Variants in MVK observed in about 807,000 individuals in gnomAD.
The protein encoded by MVK is LH receptor mRNA-binding protein.
A neutral mutation model predicts 43.2 loss-of-function variants in MVK; 34 were observed. The observed-to-expected ratio is 0.79, with a 90% CI of 0.60 to 1.05. MVK has a LOEUF of 1.05. Among genes scored for constraint, MVK ranks in the 50% least tolerant of loss-of-function variants. The pLI, the probability that MVK is intolerant of heterozygous loss-of-function variation, is 0.00. For missense variants in MVK, 395 were observed against 504.0 expected (o/e 0.78, Z 2.07); for synonymous variants, 190 against 219.8 (o/e 0.86, Z 1.20).
upstream of MVK, chr12:109,573,517 T>G: frequency 1.9e-6 from 3 of 1,576,514 alleles, no homozygotes; most frequent in Non-Finnish European, 2.6e-6. Context: ...CCCCGCCAGG[T>G]TCCCGTCCAG....
chr12:109,587,597 T>C (rs1317409364), intron 7 of MVK, among the ~76,000 whole-genome samples: 1 of 152,142 alleles, frequency 6.6e-6, no homozygotes, highest in Non-Finnish European at 1.5e-5. Flanking sequence ...TCCATGGGCC[T>C]TTTCGCATCA....
At chr12:109,582,352 T>G (rs1885254914) in intron 5 of MVK, among the ~76,000 whole-genome samples, 1 of 151,656 alleles carries the variant, frequency 6.6e-6, no homozygotes, top group African/African-American at 2.4e-5. Flanking sequence ...TTGTTTGTTT[T>G]TTGAGATGGA....
At chr12:109,580,750 T>C (rs1885180995) in intron 4 of MVK, among the ~76,000 whole-genome samples, 1 of 152,158 alleles carries the variant, frequency 6.6e-6, no homozygotes, top group South Asian at 2.1e-4. Context: ...AGTTCTTGCT[T>C]GGGGGAAATA....
intron 7 of MVK, among the ~76,000 whole-genome samples, chr12:109,587,446 T>C (rs959231684): frequency 3.9e-5 from 6 of 152,312 alleles, no homozygotes; most frequent in African/African-American, 1.4e-4. Context: ...CAGCATCCTC[T>C]GTTCTGTTTG....
intron 4 of MVK, among the ~76,000 whole-genome samples, chr12:109,580,775 C>T (rs550890531): frequency 9.8e-5 from 15 of 152,300 alleles, no homozygotes; most frequent in African/African-American, 3.4e-4. Context: ...TAAGATGTAG[C>T]GATTCGGACC....
At position 109,596,885 on chromosome 12, in the gene MVK, G is replaced by A. The variant is rs886048935; in HGVS notation, c.*308G>A. 4 of 466,908 alleles carry A rather than the reference G, an allele frequency of 8.6e-6. No individual in the cohort carries two copies. Among genetic ancestry groups the A allele is most frequent in the South Asian group, 4.3e-5 (2 of 46,962 alleles). The allele number at this position is 466,908 out of a possible 1,614,324, so 28.9% of individuals were successfully genotyped here. A position where few individuals can be genotyped will look rare whatever the true frequency, so the allele number is the denominator to read the frequency against. ...ACAGTCCCATCTGCTTCAGGCCCCCGCCTTGGCCTGTGTTCTTCCTGGCCG... is the reference window on the plus strand; with the variant it reads ...ACAGTCCCATCTGCTTCAGGCCCCCACCTTGGCCTGTGTTCTTCCTGGCCG... On this transcript the variant is annotated 3_prime_UTR_variant, in exon 11 of 11. Coordinates refer to ENST00000228510, the MANE Select transcript of MVK (RefSeq NM_000431.4).
At chr12:109,590,915 A>G in intron 8 of MVK, 54 bp downstream of exon 8, 1 of 1,572,168 alleles carries the variant, frequency 6.4e-7, no homozygotes, top group Admixed American at 1.7e-5. Flanking sequence ...ACACAATTAC[A>G]TCTGGATTTT....
chr12:109,575,184 C>T (rs887980203), intron 2 of MVK, among the ~76,000 whole-genome samples: 1 of 152,176 alleles, frequency 6.6e-6, no homozygotes, highest in Non-Finnish European at 1.5e-5. Context: ...GAGAACTGAG[C>T]TCCGGGGCAC....
intron 3 of MVK, 36 bp from the exon 4 acceptor site, chr12:109,579,766 C>T (rs1324801796): frequency 6.2e-7 from 1 of 1,613,958 alleles, no homozygotes; most frequent in South Asian, 1.1e-5. Context: ...AAGTCCCTCT[C>T]ACCCACTTGT....
rs745941736 is a variant in MVK at position 109,595,009 on chromosome 12, A to G, written c.886-19A>G. ...CCTCAGGCAGGCCAAGTGGGAACAGATGGAACCTTCTCCCCTAGGAGCTCA... is the reference window on the plus strand; with the variant it reads ...CCTCAGGCAGGCCAAGTGGGAACAGGTGGAACCTTCTCCCCTAGGAGCTCA... On this transcript the variant is annotated intron_variant, in intron 9 of 10. Coordinates refer to ENST00000228510, the MANE Select transcript of MVK (RefSeq NM_000431.4). The surrounding 1 kb of genome is among the most constrained non-coding windows in gnomAD (Gnocchi z 5.9). 5 of 1,613,980 alleles carry G rather than the reference A, an allele frequency of 3.1e-6. No individual in the cohort carries two copies. In the Admixed American group the frequency reaches 5.0e-5, roughly 16 times the overall value.
chr12:109,583,368 G>A lies in MVK; in HGVS notation c.527+1818G>A, dbSNP rs552074626. Among the ~76,000 whole-genome samples the A allele has an allele frequency of 1.8e-3, 281 of 151,924 alleles. 1 individual carries two copies. The highest frequency in any genetic ancestry group is 3.1e-3 in the South Asian group (15 of 4,822). On this transcript the variant is annotated intron_variant, in intron 5 of 10. Transcript: ENST00000228510. ...GCGGTGTTTGGTTTTTTGTTCTTGC[G>A]ATAGTTTACTGAGAATGATGATTTC...
chr12:109,592,531 C>G lies in MVK; in HGVS notation c.885+1174C>G, dbSNP rs528339712. ...TGTCTCCCGGTCCCCCGTGGGCATT[C>G]GAGTCTGTAGCCCCTGTGCTGAGTG... On this transcript the variant is annotated intron_variant, in intron 9 of 10. Transcript: ENST00000228510. 1.2e-4 allele frequency among the ~76,000 whole-genome samples: 18 copies of G among 152,360 alleles called. 1 individual carries two copies. The South Asian group carries it at 3.3e-3, about 28-fold the overall frequency.
At chr12:109,586,939 T>A in intron 7 of MVK, 140 bp downstream of exon 7, 1 of 955,144 alleles carries the variant, frequency 1.0e-6, no homozygotes, top group Non-Finnish European at 1.6e-6. Flanking sequence ...CACAGTGCAC[T>A]AGCTGCAAGG....
At chr12:109,594,297 T>A (rs1007978150) in intron 9 of MVK, among the ~76,000 whole-genome samples, 4 of 152,178 alleles carry the variant, frequency 2.6e-5, no homozygotes, top group Admixed American at 2.6e-4. Flanking sequence ...TCCACATGCA[T>A]CTTGTTGGAT....
chr12:109,586,665 G>T (rs1362226825), intron 6 of MVK, 89 bp from the exon 7 acceptor site: 26 of 1,474,040 alleles, frequency 1.8e-5, no homozygotes, highest in South Asian at 4.6e-5. Context: ...GGGGCAAAAT[G>T]AACCCAACCC....
chr12:109,574,581 A>C (rs1884840665), intron 1 of MVK, among the ~76,000 whole-genome samples: 1 of 152,160 alleles, frequency 6.6e-6, no homozygotes, highest in African/African-American at 2.4e-5. Flanking sequence ...CATTTAAGTG[A>C]GTTAACTAAG....
upstream of MVK, chr12:109,573,462 C>G (rs1228648416): frequency 1.9e-6 from 3 of 1,605,946 alleles, no homozygotes; most frequent in African/African-American, 1.3e-5. Context: ...AGACGGCTCC[C>G]CAGGCCGCAC....
rs750874038 is a variant in MVK at position 109,586,794 on chromosome 12, A to G, written c.672A>G (p.Leu224=). The G allele has an allele frequency of 6.2e-7, 1 of 1,614,016 alleles. No homozygotes were observed. The highest frequency in any genetic ancestry group is 8.5e-7 in the Non-Finnish European group (1 of 1,179,992). The change falls in exon 7 of 11, where the codon TTA becomes TTG. Residue 224 remains leucine, a synonymous_variant. Transcript: ENST00000228510. ...LRYHQGKISS[L]KRSPALQILL... ...ACCATCAAGGGAAGATTTCATCCTT[A>G]AAGAGGTAACCTGGGGGTGGAGCAG...
chr12:109,576,235 G>A, intron 3 of MVK, 90 bp downstream of exon 3: 1 of 1,545,484 alleles, frequency 6.5e-7, no homozygotes, highest in Non-Finnish European at 8.9e-7. Flanking sequence ...AGGGAGCCAG[G>A]GGCCAGCTAT....
Sources: allele counts gnomAD v4.1 joint callset (sites outside exome capture counted in the v4.1 genomes callset), GRCh38; gene constraint gnomAD v4.1.1; non-coding constraint Gnocchi (gnomAD v3.1); transcripts MANE v1.5; gene names NCBI Gene and HGNC (gene_info 2026-07-23, HGNC 2026-07-21).